CSMD1: variants seen among roughly 807,000 people sequenced by gnomAD.
CSMD1 encodes CUB and sushi domain-containing protein 1.
CSMD1 carries 213 observed loss-of-function variants against 417.5 expected under a neutral mutation model. The ratio of observed to expected loss-of-function variants is 0.51; its 90% CI spans 0.46 to 0.57. The LOEUF (loss-of-function observed/expected upper bound fraction) is 0.57. Ranked by LOEUF, CSMD1 falls within the 20% of genes least tolerant of loss-of-function variation. The probability of loss-of-function intolerance (pLI) is 0.00; values close to 1 mark genes in which losing one functional copy is unlikely to be tolerated. For synonymous variants in CSMD1, 2,862 were observed against 1,736.8 expected, an observed-to-expected ratio of 1.65 and a Z score of -16.11; for missense variants, 6,923 against 4,529.7, an observed-to-expected ratio of 1.53 and a Z score of -15.17.
chr8:4,378,987 C>A (rs58426024), intron 3 of CSMD1, among the ~76,000 whole-genome samples: 1 of 151,926 alleles, frequency 6.6e-6, no homozygotes, highest in African/African-American at 2.4e-5. Context: ...GTAATCACAG[C>A]TCAGATGGAT....
chr8:3,891,923 A>G (rs1464212542), intron 5 of CSMD1, among the ~76,000 whole-genome samples: 2 of 152,176 alleles, frequency 1.3e-5, no homozygotes, highest in Non-Finnish European at 2.9e-5. Flanking sequence ...TCAGAACACC[A>G]AACTCTTAAG....
At chr8:3,923,575 C>G (rs573607949) in intron 5 of CSMD1, among the ~76,000 whole-genome samples, 4 of 152,260 alleles carry the variant, frequency 2.6e-5, no homozygotes, top group African/African-American at 7.2e-5. Context: ...TTAAATGAAG[C>G]TAATTAACAT....
At chr8:3,270,046 CTTTTTTTTT>C (rs200994813) in intron 26 of CSMD1, among the ~76,000 whole-genome samples, 6 of 118,386 alleles carry the variant, frequency 5.1e-5, no homozygotes, top group East Asian at 2.3e-4. Flanking sequence ...CTAACCTCTT[CTTTTTTTTT>C]TTTTTTTTTT....
intron 5 of CSMD1, among the ~76,000 whole-genome samples, chr8:3,865,706 A>G: frequency 6.6e-6 from 1 of 152,170 alleles, no homozygotes; most frequent in East Asian, 1.9e-4. Flanking sequence ...GGAGCAGTAA[A>G]TACAACAACA....
intron 3 of CSMD1, among the ~76,000 whole-genome samples, chr8:4,160,056 T>C (rs901698734): frequency 4.6e-5 from 7 of 151,100 alleles, no homozygotes; most frequent in East Asian, 2.0e-4. Context: ...TGTAACCAAA[T>C]ACCACCTGTT....
At chr8:3,647,490 G>A (rs1324920872) in intron 7 of CSMD1, among the ~76,000 whole-genome samples, 2 of 152,068 alleles carry the variant, frequency 1.3e-5, no homozygotes, top group African/African-American at 4.8e-5. Flanking sequence ...AAGAAATATA[G>A]CACAGAGAGA....
At chr8:4,212,821 G>T (rs1430189156) in intron 3 of CSMD1, among the ~76,000 whole-genome samples, 3 of 138,768 alleles carry the variant, frequency 2.2e-5, no homozygotes, top group Non-Finnish European at 4.5e-5. Context: ...CCAGTTCATG[G>T]ACTGGCATTT....
chr8:4,783,414 C>A (rs976900204), intron 1 of CSMD1, among the ~76,000 whole-genome samples: 7 of 152,316 alleles, frequency 4.6e-5, no homozygotes, highest in African/African-American at 1.4e-4. Flanking sequence ...TCTGACTCCT[C>A]ACTCTCAATT....
intron 7 of CSMD1, among the ~76,000 whole-genome samples, chr8:3,638,688 G>A (rs943600584): frequency 6.6e-6 from 1 of 152,144 alleles, no homozygotes; most frequent in Non-Finnish European, 1.5e-5. Flanking sequence ...GGACCAGAAA[G>A]TCGACACATG....
intron 1 of CSMD1, among the ~76,000 whole-genome samples, chr8:4,886,838 T>C (rs1331754245): frequency 6.6e-6 from 1 of 152,096 alleles, no homozygotes; most frequent in Non-Finnish European, 1.5e-5. Flanking sequence ...ATCTCTTCTG[T>C]CATTTCAGAT....
At chr8:4,118,708 G>C (rs1216433797) in intron 3 of CSMD1, among the ~76,000 whole-genome samples, 1 of 152,150 alleles carries the variant, frequency 6.6e-6, no homozygotes, top group Non-Finnish European at 1.5e-5. Context: ...TCTAGAACTA[G>C]AAATACCATT....
intron 1 of CSMD1, among the ~76,000 whole-genome samples, chr8:4,707,266 G>A (rs1808002571): frequency 6.6e-6 from 1 of 152,164 alleles, no homozygotes; most frequent in Admixed American, 6.5e-5. Context: ...AGGAGGTAAG[G>A]AATATTAGGT....
intron 5 of CSMD1, among the ~76,000 whole-genome samples, chr8:3,916,467 A>G (rs1349818454): frequency 1.3e-5 from 2 of 152,202 alleles, no homozygotes; most frequent in African/African-American, 4.8e-5. Flanking sequence ...CTTATACATA[A>G]AGGCTTGTTA....
At chr8:3,858,988 T>C (rs1056928101) in intron 5 of CSMD1, among the ~76,000 whole-genome samples, 3 of 152,232 alleles carry the variant, frequency 2.0e-5, no homozygotes, top group Non-Finnish European at 4.4e-5. Context: ...TCCCTTCTTC[T>C]ACTCCACACC....
In CSMD1 at chr8:3,929,851, G is replaced by A. The variant is rs563210409; in HGVS notation, c.818+68052C>T. Among the ~76,000 whole-genome samples the A allele has an allele frequency of 1.7e-4, 25 of 149,628 alleles. 1 individual carries two copies. The highest frequency in any genetic ancestry group is 5.4e-4 in the African/African-American group (22 of 40,556). ...TAATTTTTGTGTTTTTAGTAGAGAC[G>A]CGGTTTCACCATATTGGTCCCGCTC... On this transcript the variant is annotated intron_variant, in intron 5 of 69. Coordinates refer to ENST00000635120, the MANE Select transcript of CSMD1 (RefSeq NM_033225.6).
At chr8:4,250,047 T>A (rs1192058050) in intron 3 of CSMD1, among the ~76,000 whole-genome samples, 2 of 152,096 alleles carry the variant, frequency 1.3e-5, no homozygotes, top group East Asian at 3.9e-4. Flanking sequence ...GATGCCCCAA[T>A]AAAGAGGGCT....
chr8:3,527,530 C>T (rs1379951127), intron 10 of CSMD1, among the ~76,000 whole-genome samples: 2 of 152,082 alleles, frequency 1.3e-5, no homozygotes, highest in Admixed American at 6.5e-5. Context: ...GGTGGTATCT[C>T]GATTGTGGCC....
chr8:3,009,681 G>T (rs1994194), intron 52 of CSMD1, among the ~76,000 whole-genome samples: 4,115 of 152,196 alleles, frequency 0.027, 192 homozygotes, highest in African/African-American at 0.095. Context: ...ATCTCTAGGG[G>T]CAATGCTGAC....
Position 3,541,585 on chromosome 8 carries a change from T to A in CSMD1, c.1344+33360A>T, listed in dbSNP as rs10091800. Among the ~76,000 whole-genome samples, 6 of 133,706 alleles carry A rather than the reference T, an allele frequency of 4.5e-5. No individual in the cohort carries two copies. The East Asian group carries it at 1.4e-3, about 31-fold the overall frequency. The allele number at this position is 133,706 out of a possible 152,430, so 87.7% of individuals were successfully genotyped here. A position where few individuals can be genotyped will look rare whatever the true frequency, so the allele number is the denominator to read the frequency against. On this transcript the variant is annotated intron_variant, in intron 10 of 69. Transcript: ENST00000635120. Reference sequence around the variant, plus strand: ...TAAATATATATAATAAAAAATAAAATAAAAATAAAATACTCTAAAAATGGG... The same window carrying A: ...TAAATATATATAATAAAAAATAAAAAAAAAATAAAATACTCTAAAAATGGG...
Sources: gnomAD v4.1 joint callset for allele counts (sites outside exome capture counted in the v4.1 genomes callset) on GRCh38, gnomAD v4.1.1 for gene constraint, MANE v1.5 for transcripts, NCBI Gene and HGNC (gene_info 2026-07-23, HGNC 2026-07-21) for gene names.